PCGF6: variants seen among roughly 807,000 people sequenced by gnomAD.
PCGF6 encodes polycomb group RING finger protein 6.
Under a neutral mutation model 45.5 loss-of-function variants are expected in PCGF6, and 24 were observed. The observed-to-expected ratio is 0.53, with a 90% CI of 0.38 to 0.74. The LOEUF is 0.74. Ranked by LOEUF, PCGF6 falls within the 30% of genes least tolerant of loss-of-function variation. The pLI is 0.00. For synonymous variants in PCGF6, 152 were observed against 162.1 expected (o/e 0.94, Z 0.47); for missense variants, 356 against 443.2 (o/e 0.80, Z 1.77).
chr10:103,307,330 G>A lies in PCGF6; in HGVS notation c.997-3369C>T, dbSNP rs773628751. ...GCACACCTCTGGTAACCAGCCACAC[G>A]GGAGGCTGAGGCAGGAGGATTGCTT... On this transcript the variant is annotated intron_variant, in intron 9 of 9. Transcript: ENST00000369847. Among the ~76,000 whole-genome samples the A allele has an allele frequency of 3.3e-5, 5 of 151,486 alleles. No individual in the cohort carries two copies. In the East Asian group the frequency reaches 5.9e-4, roughly 18 times the overall value.
intron 9 of PCGF6, among the ~76,000 whole-genome samples, chr10:103,308,277 G>C (rs1265748953): frequency 6.6e-6 from 1 of 152,182 alleles, no homozygotes; most frequent in Non-Finnish European, 1.5e-5. Flanking sequence ...ACCAGCTCGT[G>C]AGAGAAGCCA....
At chr10:103,325,852 T>TA (rs34739627) in intron 8 of PCGF6, among the ~76,000 whole-genome samples, 22,571 of 135,006 alleles carry the variant, frequency 0.17, 2,031 homozygotes, top group Non-Finnish European at 0.2. Context: ...CCGCATCTCT[T>TA]AAAAAAAAAA....
At position 103,329,769 on chromosome 10, in the gene PCGF6, G is replaced by A. The variant is rs563111062; in HGVS notation, c.811-3137C>T. On this transcript the variant is annotated intron_variant, in intron 7 of 9. Coordinates refer to ENST00000369847, the MANE Select transcript of PCGF6 (RefSeq NM_001011663.2). ...ATTATAGGTGTGAGCCACCGTGCCC[G>A]GCCAGTTTTTTTGTTGTTTGTTTGT... Among the ~76,000 whole-genome samples the A allele has an allele frequency of 1.3e-4, 19 of 151,678 alleles. No homozygotes were observed. The East Asian group carries it at 2.1e-3, about 17-fold the overall frequency.
At chr10:103,319,155 T>C (rs922372389) in intron 8 of PCGF6, among the ~76,000 whole-genome samples, 4 of 152,140 alleles carry the variant, frequency 2.6e-5, no homozygotes, top group Non-Finnish European at 5.9e-5. Flanking sequence ...TGATCATACA[T>C]ACTCTTCTTT....
chr10:103,337,520 T>C (rs1413203124), intron 6 of PCGF6, among the ~76,000 whole-genome samples: 1 of 152,226 alleles, frequency 6.6e-6, no homozygotes, highest in Admixed American at 6.6e-5. Context: ...TACTCTGAGT[T>C]AGTCTTCAAA....
chr10:103,324,541 G>A (rs1055307929), intron 8 of PCGF6, among the ~76,000 whole-genome samples: 25 of 146,886 alleles, frequency 1.7e-4, no homozygotes, highest in Admixed American at 3.4e-4. Flanking sequence ...GGAGGATCAC[G>A]AGGTCAGGAG....
At chr10:103,330,154 A>T (rs952101103) in intron 7 of PCGF6, among the ~76,000 whole-genome samples, 1 of 151,418 alleles carries the variant, frequency 6.6e-6, no homozygotes, top group African/African-American at 2.4e-5. Context: ...GGCTCACTGC[A>T]GCCTCTGCCT....
chr10:103,308,953 C>T (rs2093147158), intron 9 of PCGF6, among the ~76,000 whole-genome samples: 1 of 152,074 alleles, frequency 6.6e-6, no homozygotes, highest in Non-Finnish European at 1.5e-5. Context: ...GGACATATAG[C>T]CTCATTCTTT....
intron 3 of PCGF6, chr10:103,348,275 T>C (rs1236256995): frequency 6.4e-6 from 1 of 157,366 alleles, no homozygotes; most frequent in East Asian, 1.9e-4. Context: ...GTAAGTGCTC[T>C]ATACATATTT....
intron 6 of PCGF6, among the ~76,000 whole-genome samples, chr10:103,340,198 A>ATAT (rs1246929739): frequency 9.6e-4 from 84 of 87,876 alleles, no homozygotes; most frequent in African/African-American, 3.1e-3. Context: ...AAAAAAAAAA[A>ATAT]ATATATATAT....
intron 6 of PCGF6, among the ~76,000 whole-genome samples, chr10:103,340,960 T>C (rs1186161535): frequency 1.3e-5 from 2 of 152,088 alleles, no homozygotes; most frequent in Non-Finnish European, 2.9e-5. Context: ...ACAGGCGCGG[T>C]GGCTCACGCC....
At chr10:103,321,035 A>G (rs1013775889) in intron 8 of PCGF6, among the ~76,000 whole-genome samples, 1 of 152,172 alleles carries the variant, frequency 6.6e-6, no homozygotes, top group African/African-American at 2.4e-5. Flanking sequence ...TCCCCAATTA[A>G]TGGGTCTGTA....
intron 9 of PCGF6, among the ~76,000 whole-genome samples, chr10:103,312,881 A>G (rs2093162347): frequency 6.6e-6 from 1 of 152,152 alleles, no homozygotes; most frequent in Admixed American, 6.6e-5. Context: ...GAATGGCGTG[A>G]ACCCGGGAGG....
At chr10:103,333,292 G>A (rs2093246696) in intron 7 of PCGF6, among the ~76,000 whole-genome samples, 1 of 151,956 alleles carries the variant, frequency 6.6e-6, no homozygotes, top group Non-Finnish European at 1.5e-5. Context: ...TATCCAACTA[G>A]GTATAATTCA....
At chr10:103,318,062 T>C (rs2093182653) in intron 8 of PCGF6, among the ~76,000 whole-genome samples, 1 of 148,182 alleles carries the variant, frequency 6.7e-6, no homozygotes, top group Non-Finnish European at 1.5e-5. Flanking sequence ...CAGCTGGGGT[T>C]GGTCAGTTTC....
chr10:103,303,822 A>G lies in PCGF6; in HGVS notation c.*83T>C. 1 of 1,230,074 alleles carries G rather than the reference A, an allele frequency of 8.1e-7. No individual in the cohort carries two copies. The allele number at this position is 1,230,074 out of a possible 1,614,324, so 76.2% of individuals were successfully genotyped here. On this transcript the variant is annotated 3_prime_UTR_variant, in exon 10 of 10. Transcript: ENST00000369847. ...TGTCTTGAACAGCAAAGTGGTAGCA[A>G]TTACATTTCATGGAAATCTTTGGTG...
At position 103,350,988 on chromosome 10, in the gene PCGF6, G is replaced by A. The variant is rs757557974; in HGVS notation, c.79C>T (p.Pro27Ser). The A allele has an allele frequency of 7.0e-7, 1 of 1,435,382 alleles. No individual in the cohort carries two copies. Among genetic ancestry groups the A allele is most frequent in the Non-Finnish European group, 9.1e-7 (1 of 1,096,158 alleles). 88.9% of individuals were successfully genotyped at this position (1,435,382 alleles called of 1,614,324 possible). ...GTGAGGGCGGGCGGGGAGACAGGAG[G>A]CGGAGGCGGCAAGGCTGCAGCTCCC... ...TEGAAALPPP[P>S]PVSPPALTPA... Residue 27 changes from proline to serine, a missense_variant, in exon 1 of 10, where the codon CCT becomes TCT. By Grantham distance (74) the Pro-to-Ser change is moderately conservative. Around this residue, in one of 2 missense-constraint regions of PCGF6, gnomAD observed 307 missense variants for 350.1 expected, o/e 0.88. Coordinates refer to ENST00000369847, the MANE Select transcript of PCGF6 (RefSeq NM_001011663.2).
At chr10:103,335,743 A>G (rs11599069) in intron 6 of PCGF6, among the ~76,000 whole-genome samples, 31 of 151,450 alleles carry the variant, frequency 2.0e-4, no homozygotes, top group African/African-American at 6.8e-4. Flanking sequence ...CAAGGTGGGC[A>G]GATAATGAGG....
Position 103,347,257 on chromosome 10 carries a change from A to G in PCGF6, c.654T>C (p.Gly218=). The change falls in exon 5 of 10, where the codon GGT becomes GGC. Residue 218 remains glycine, a synonymous_variant. Transcript: ENST00000369847. ...ACTTACCAGGTTTAGGTACTTCTAG[A>G]CCTCTTTCTTTATAGAAATCATGCA... is the stretch of plus-strand genomic sequence containing the variant. The part of the protein sequence containing the change: ...KQMHDFYKER[G]LEVPKPAVPQ... 1 of 1,608,108 alleles carries G rather than the reference A, an allele frequency of 6.2e-7. No homozygotes were observed. Among genetic ancestry groups the G allele is most frequent in the South Asian group, 1.1e-5 (1 of 90,890 alleles).
Sources: gnomAD v4.1 joint callset for allele counts (sites outside exome capture counted in the v4.1 genomes callset) on GRCh38, gnomAD v4.1.1 for gene constraint, gnomAD v4.1.1 regional missense constraint, MANE v1.5 for transcripts, NCBI Gene and HGNC (gene_info 2026-07-23, HGNC 2026-07-21) for gene names.